KLHL32: variants seen among roughly 807,000 people sequenced by gnomAD.
The protein encoded by KLHL32 is kelch like family member 32, also known as kelch-like protein 32.
Under a neutral mutation model 64.8 loss-of-function variants are expected in KLHL32, and 35 were observed. The ratio of observed to expected loss-of-function variants is 0.54; its 90% CI spans 0.41 to 0.72. The LOEUF is 0.72. Among genes scored for constraint, KLHL32 ranks in the 30% least tolerant of loss-of-function variants. The pLI is 0.00. For missense variants in KLHL32, 589 were observed against 768.5 expected (o/e 0.77, Z 2.76); for synonymous variants, 259 against 281.0 (o/e 0.92, Z 0.78).
At chr6:96,949,947 A>G (rs4140566) in intron 1 of KLHL32, among the ~76,000 whole-genome samples, 19,716 of 152,010 alleles carry the variant, frequency 0.13, 1,561 homozygotes, top group East Asian at 0.26. Flanking sequence ...TAGTGTTTTG[A>G]GTGCTCATTA....
intron 1 of KLHL32, among the ~76,000 whole-genome samples, chr6:96,958,419 A>T (rs931482777): frequency 4.6e-5 from 7 of 152,122 alleles, no homozygotes; most frequent in Non-Finnish European, 1.0e-4. Context: ...CCAGGCAAAA[A>T]GGAGGGGTAG....
intron 3 of KLHL32, among the ~76,000 whole-genome samples, chr6:97,025,432 A>G (rs1296217730): frequency 6.6e-6 from 1 of 152,222 alleles, no homozygotes; most frequent in Non-Finnish European, 1.5e-5. Context: ...CAATACAAGT[A>G]TTAGATGCTT....
intron 10 of KLHL32, among the ~76,000 whole-genome samples, chr6:97,138,642 A>G (rs1800337443): frequency 6.6e-6 from 1 of 152,164 alleles, no homozygotes; most frequent in Admixed American, 6.5e-5. Flanking sequence ...GAATCGACTG[A>G]ATTTTGAATT....
intron 3 of KLHL32, among the ~76,000 whole-genome samples, chr6:96,995,877 T>G (rs1051478763): frequency 6.6e-6 from 1 of 152,256 alleles, no homozygotes; most frequent in Non-Finnish European, 1.5e-5. Flanking sequence ...TTATGTACTA[T>G]GTGTGGCAGC....
chr6:97,012,945 A>C (rs1258845675), intron 3 of KLHL32, among the ~76,000 whole-genome samples: 6 of 152,290 alleles, frequency 3.9e-5, no homozygotes, highest in Admixed American at 1.3e-4. Context: ...TCTAAGTCCA[A>C]AAGAGCCCTT....
intron 4 of KLHL32, among the ~76,000 whole-genome samples, chr6:97,055,796 T>TAAAAAAAAAAA (rs750242567): frequency 0.015 from 1,237 of 80,892 alleles, 228 homozygotes; most frequent in African/African-American, 0.032. Context: ...AGAACCTGTC[T>TAAAAAAAAAAA]AAAAAAAAAA....
At chr6:96,996,159 T>C (rs1405662640) in intron 3 of KLHL32, among the ~76,000 whole-genome samples, 5 of 152,238 alleles carry the variant, frequency 3.3e-5, no homozygotes, top group Non-Finnish European at 7.3e-5. Flanking sequence ...GTCTAACATT[T>C]GCTATCTCCA....
At chr6:96,944,375 G>A (rs976330352) in intron 1 of KLHL32, among the ~76,000 whole-genome samples, 2 of 152,168 alleles carry the variant, frequency 1.3e-5, no homozygotes, top group Admixed American at 6.5e-5. Context: ...TTAAACAGTT[G>A]TTTTTAAGTT....
chr6:97,084,986 C>CTTTTT, intron 5 of KLHL32, 140 bp from the exon 6 acceptor site: 1 of 521,940 alleles, frequency 1.9e-6, no homozygotes, highest in Non-Finnish European at 3.3e-6. Context: ...ATTGTGATTT[C>CTTTTT]TTTTTTTTTT....
At chr6:97,092,701 T>C (rs1258185281) in intron 6 of KLHL32, among the ~76,000 whole-genome samples, 6 of 152,206 alleles carry the variant, frequency 3.9e-5, no homozygotes, top group African/African-American at 1.4e-4. Flanking sequence ...AATCTTTCCT[T>C]CTAATCTATA....
intron 3 of KLHL32, among the ~76,000 whole-genome samples, chr6:96,980,108 A>G (rs1776140582): frequency 6.6e-6 from 1 of 152,190 alleles, no homozygotes; most frequent in African/African-American, 2.4e-5. Flanking sequence ...ATCATCTGCA[A>G]ACAGGGATAG....
chr6:97,091,523 G>GATGTGGGGC (rs1335093812), intron 6 of KLHL32, among the ~76,000 whole-genome samples: 1 of 152,204 alleles, frequency 6.6e-6, no homozygotes, highest in Non-Finnish European at 1.5e-5. Flanking sequence ...GACAGTGTCT[G>GATGTGGGGC]ATGTGGGGCT....
chr6:97,019,843 G>C (rs1379098028), intron 3 of KLHL32, among the ~76,000 whole-genome samples: 1 of 151,686 alleles, frequency 6.6e-6, no homozygotes, highest in Admixed American at 6.6e-5. Flanking sequence ...GCAGTGGCGC[G>C]ATCTTGGCTC....
At chr6:97,047,209 C>CA (rs760185920) in intron 4 of KLHL32, among the ~76,000 whole-genome samples, 1 of 152,238 alleles carries the variant, frequency 6.6e-6, no homozygotes, top group Non-Finnish European at 1.5e-5. Flanking sequence ...AAAATGCATG[C>CA]ATTTCCTATC....
At chr6:96,985,087 T>C (rs59624219) in intron 3 of KLHL32, among the ~76,000 whole-genome samples, 5 of 152,136 alleles carry the variant, frequency 3.3e-5, no homozygotes, top group African/African-American at 1.2e-4. Flanking sequence ...AATCTCTCAG[T>C]ATTTGCTTGT....
At chr6:97,114,690 A>T in intron 7 of KLHL32, 181 bp downstream of exon 7, 1 of 685,656 alleles carries the variant, frequency 1.5e-6, no homozygotes, top group Non-Finnish European at 2.4e-6. Flanking sequence ...TGGAAATAAT[A>T]TGCCTTTCTG....
chr6:97,139,403 T>C lies in KLHL32; in HGVS notation c.*121T>C. The C allele has an allele frequency of 4.5e-6, 4 of 892,690 alleles. No homozygotes were observed. Among genetic ancestry groups the C allele is most frequent in the Non-Finnish European group, 6.7e-6 (4 of 594,060 alleles). The allele number at this position is 892,690 out of a possible 1,614,324, so 55.3% of individuals were successfully genotyped here. A position where few individuals can be genotyped will look rare whatever the true frequency, so the allele number is the denominator to read the frequency against. On this transcript the variant is annotated 3_prime_UTR_variant, in exon 11 of 11. Transcript: ENST00000369261. Reference sequence around the variant, plus strand: ...TTATAGGTCTTATATTCGGATAAATTTAAGCAAAAAATGAACAATTTTCTA... The same window carrying C: ...TTATAGGTCTTATATTCGGATAAATCTAAGCAAAAAATGAACAATTTTCTA...
At chr6:97,120,617 CAGTT>C (rs1175474276) in intron 7 of KLHL32, among the ~76,000 whole-genome samples, 3 of 152,126 alleles carry the variant, frequency 2.0e-5, no homozygotes, top group Non-Finnish European at 4.4e-5. Flanking sequence ...GCTAGGATCT[CAGTT>C]AGGTGAGAGG....
chr6:97,138,315 G>A (rs1800279987), intron 10 of KLHL32, among the ~76,000 whole-genome samples: 2 of 152,184 alleles, frequency 1.3e-5, no homozygotes, highest in South Asian at 4.1e-4. Context: ...GAGGTGGAAG[G>A]ATTGCTTGAG....
Sources: gnomAD v4.1 joint callset for allele counts (sites outside exome capture counted in the v4.1 genomes callset) on GRCh38, gnomAD v4.1.1 for gene constraint, MANE v1.5 for transcripts, NCBI Gene and HGNC (gene_info 2026-07-23, HGNC 2026-07-21) for gene names.